Variants in TNFSF11 observed in about 807,000 individuals in gnomAD.
TNFSF11 encodes the protein tumor necrosis factor ligand superfamily member 11.
In TNFSF11, 12 loss-of-function variants were observed where a neutral mutation model predicts 32.2. The observed-to-expected ratio is 0.37, with a 90% CI of 0.24 to 0.60. TNFSF11 has a LOEUF of 0.60. TNFSF11 is among the 20% of genes least tolerant of loss of function. The probability of loss-of-function intolerance (pLI) is 0.66; values close to 1 mark genes in which losing one functional copy is unlikely to be tolerated. For missense variants in TNFSF11, 345 were observed against 398.0 expected (o/e 0.87, Z 1.13); for synonymous variants, 172 against 152.1 (o/e 1.13, Z -0.96).
chr13:42,596,137 G>T (rs931554763), intron 2 of TNFSF11, among the ~76,000 whole-genome samples: 1 of 152,192 alleles, frequency 6.6e-6, no homozygotes, highest in East Asian at 1.9e-4. Flanking sequence ...TCTTTGAGAA[G>T]ATGGCAACAT....
At chr13:42,578,662 A>G (rs979311407) in intron 1 of TNFSF11, among the ~76,000 whole-genome samples, 1 of 152,044 alleles carries the variant, frequency 6.6e-6, no homozygotes, top group Non-Finnish European at 1.5e-5. Flanking sequence ...GCACATTGAA[A>G]GTATTTGGGA....
At chr13:42,592,199 A>G (rs570997471) in intron 2 of TNFSF11, among the ~76,000 whole-genome samples, 1 of 152,212 alleles carries the variant, frequency 6.6e-6, no homozygotes. Flanking sequence ...ATTGGGAGGT[A>G]ACACAGCCCC....
chr13:42,570,819 A>C (rs1233764452), upstream of TNFSF11, among the ~76,000 whole-genome samples: 1 of 152,174 alleles, frequency 6.6e-6, no homozygotes, highest in Non-Finnish European at 1.5e-5. Flanking sequence ...TTAAAGCATT[A>C]TCTTTGCCTA....
At chr13:42,577,516 C>G (rs1873380802) in intron 1 of TNFSF11, among the ~76,000 whole-genome samples, 2 of 152,114 alleles carry the variant, frequency 1.3e-5, no homozygotes, top group Admixed American at 1.3e-4. Context: ...AAATAAAAAC[C>G]CTTTCAAAAA....
chr13:42,568,356 G>T (rs1286394595), intron 2 of TNFSF11, among the ~76,000 whole-genome samples: 1 of 152,198 alleles, frequency 6.6e-6, no homozygotes, highest in Non-Finnish European at 1.5e-5. Flanking sequence ...CCTGCAGGTT[G>T]TAATTCCATT....
chr13:42,574,473 TG>T lies in TNFSF11; in HGVS notation c.173del (p.Gly58AlafsTer34). On this transcript the variant is annotated frameshift_variant, in exon 1 of 5. Transcript: ENST00000398795. LOFTEE classifies it high-confidence loss of function. Reference protein sequence around the residue: ...SMFVALLGLGLGQVVCSVALF... With the variant: ...SMFVALLGLGXGQVVCSVALF... ...TTCGTGGCCCTCCTGGGGCTGGGGC[TG>T]GGCCAGGTTGTCTGCAGCGTCGCCC... 6.2e-7 allele frequency: 1 copy of T among 1,609,298 alleles called. No homozygotes were observed.
intron 1 of TNFSF11, among the ~76,000 whole-genome samples, chr13:42,574,835 T>C (rs375147691): frequency 6.6e-6 from 1 of 152,186 alleles, no homozygotes; most frequent in Non-Finnish European, 1.5e-5. Context: ...GCCTCTCACC[T>C]TTTCTGGTAG....
intron 2 of TNFSF11, among the ~76,000 whole-genome samples, chr13:42,582,406 C>G (rs1873660592): frequency 6.6e-6 from 1 of 152,154 alleles, no homozygotes; most frequent in Non-Finnish European, 1.5e-5. Flanking sequence ...TTGAGATTTG[C>G]TGTATTTTAT....
chr13:42,593,343 GAA>G lies in TNFSF11; in HGVS notation c.388-7408_388-7407del, dbSNP rs145342373. Among the ~76,000 whole-genome samples the G allele has an allele frequency of 6.2e-3, 938 of 152,302 alleles. 9 individuals carry two copies. The highest frequency in any genetic ancestry group is 0.021 in the African/African-American group (887 of 41,556). On this transcript the variant is annotated intron_variant, in intron 2 of 4. Transcript: ENST00000398795. ...TGGTAAGGAACGTGGACTTGAACCT[GAA>G]GTCTGGAAGCAGCCCCCAGAGGATT...
upstream of TNFSF11, chr13:42,574,027 A>C (rs1283560236): frequency 5.8e-6 from 3 of 515,848 alleles, no homozygotes; most frequent in Non-Finnish European, 1.0e-5. Context: ...AGAGAGAGGG[A>C]GGGCGAAAGG....
chr13:42,582,523 G>C (rs1029862306), intron 2 of TNFSF11, among the ~76,000 whole-genome samples: 1 of 152,160 alleles, frequency 6.6e-6, no homozygotes, highest in Non-Finnish European at 1.5e-5. Flanking sequence ...AGGTTCTAGA[G>C]GTTCTAGTTG....
chr13:42,581,002 A>G (rs1873578210), intron 1 of TNFSF11, 124 bp from the exon 2 acceptor site: 4 of 981,068 alleles, frequency 4.1e-6, no homozygotes, highest in African/African-American at 3.2e-5. Flanking sequence ...TGTATTAACT[A>G]TTCATTGTTG....
chr13:42,602,560 T>C (rs1321700571), intron 4 of TNFSF11, among the ~76,000 whole-genome samples: 3 of 152,238 alleles, frequency 2.0e-5, no homozygotes, highest in Non-Finnish European at 4.4e-5. Flanking sequence ...TGACCTCTCC[T>C]GTCCCAGACA....
intron 4 of TNFSF11, among the ~76,000 whole-genome samples, chr13:42,603,512 A>AC (rs1316389688): frequency 6.6e-6 from 1 of 152,110 alleles, no homozygotes; most frequent in East Asian, 1.9e-4. Flanking sequence ...CTTCACACTG[A>AC]CTGGCTCTCC....
chr13:42,585,937 A>G (rs1363644400), intron 2 of TNFSF11, among the ~76,000 whole-genome samples: 2 of 152,250 alleles, frequency 1.3e-5, no homozygotes, highest in Non-Finnish European at 2.9e-5. Context: ...AACAAATTGC[A>G]CAAATCACAT....
At chr13:42,604,726 C>T (rs1365938637) in intron 4 of TNFSF11, among the ~76,000 whole-genome samples, 3 of 152,162 alleles carry the variant, frequency 2.0e-5, no homozygotes, top group African/African-American at 7.2e-5. Flanking sequence ...GTTCAAGGCC[C>T]ACCAAACCAG....
intron 4 of TNFSF11, among the ~76,000 whole-genome samples, chr13:42,603,577 C>T (rs1196233492): frequency 6.6e-6 from 1 of 152,160 alleles, no homozygotes; most frequent in Non-Finnish European, 1.5e-5. Context: ...GTTTCCTTCA[C>T]TGACAATACC....
upstream of TNFSF11, chr13:42,571,532 C>T (rs527539433): frequency 2.6e-5 from 4 of 152,114 alleles, no homozygotes; most frequent in South Asian, 4.2e-4. Context: ...AAATGCCTGG[C>T]TAATTTGTTC....
At position 42,607,748 on chromosome 13, in the gene TNFSF11, T is replaced by A. The variant is rs1243841427; in HGVS notation, c.*830T>A. On this transcript the variant is annotated 3_prime_UTR_variant, in exon 5 of 5. Coordinates refer to ENST00000398795, the MANE Select transcript of TNFSF11 (RefSeq NM_003701.4). ...CTTTCAAATTTAGAAACTAATTGAC[T>A]TTAGAAAGCTGACATTGCCAAAAAG... 6.5e-6 allele frequency: 1 copy of A among 152,772 alleles called. No homozygotes were observed. Among genetic ancestry groups the A allele is most frequent in the Non-Finnish European group, 1.5e-5 (1 of 68,036 alleles). The allele number at this position is 152,772 out of a possible 1,614,324, so 9.5% of individuals were successfully genotyped here.
Sources: gnomAD v4.1 joint callset for allele counts (sites outside exome capture counted in the v4.1 genomes callset) on GRCh38, gnomAD v4.1.1 for gene constraint, MANE v1.5 for transcripts, NCBI Gene and HGNC (gene_info 2026-07-23, HGNC 2026-07-21) for gene names.